Variants in C16orf74 observed in about 807,000 individuals in gnomAD.
C16orf74 encodes the protein uncharacterized protein C16orf74.
C16orf74 carries 10 observed loss-of-function variants against 6.5 expected under a neutral mutation model. The observed-to-expected ratio is 1.54, with a 90% CI of 0.95 to 2.61. The LOEUF (loss-of-function observed/expected upper bound fraction) is 2.61, where lower values mean the gene tolerates loss of function less well. Ranked by LOEUF, C16orf74 falls within the 30% of genes most tolerant of loss-of-function variation. C16orf74 has a pLI of 0.00. For synonymous variants in C16orf74, 60 were observed against 42.5 expected (o/e 1.41, Z -1.60); for missense variants, 141 against 105.9 (o/e 1.33, Z -1.45).
chr16:85,737,313 A>C (rs994704805), intron 1 of C16orf74, among the ~76,000 whole-genome samples: 2 of 152,152 alleles, frequency 1.3e-5, no homozygotes, highest in African/African-American at 4.8e-5. Flanking sequence ...TCAGGCCCTG[A>C]GCTGGCCCTG....
chr16:85,750,049 G>C (rs887762594), intron 1 of C16orf74, among the ~76,000 whole-genome samples: 1 of 152,166 alleles, frequency 6.6e-6, no homozygotes, highest in African/African-American at 2.4e-5. Context: ...GGATGGGTGG[G>C]GTCTAGGCAG....
chr16:85,734,047 G>T (rs770459855), intron 2 of C16orf74, among the ~76,000 whole-genome samples: 1 of 152,138 alleles, frequency 6.6e-6, no homozygotes, highest in African/African-American at 2.4e-5. Flanking sequence ...GCCTTTTCAC[G>T]CCTCCTTACT....
At chr16:85,732,020 A>G (rs1474248515) in intron 2 of C16orf74, among the ~76,000 whole-genome samples, 1 of 152,194 alleles carries the variant, frequency 6.6e-6, no homozygotes, top group Non-Finnish European at 1.5e-5. Flanking sequence ...GGATCTTGGG[A>G]TGACATTATC....
At chr16:85,726,649 T>C (rs1324508776) in intron 2 of C16orf74, among the ~76,000 whole-genome samples, 1 of 152,122 alleles carries the variant, frequency 6.6e-6, no homozygotes, top group Admixed American at 6.5e-5. Flanking sequence ...CACCATGTGA[T>C]CTCCCTTCAA....
intron 1 of C16orf74, chr16:85,744,334 G>A (rs919682944): frequency 2.6e-5 from 4 of 151,980 alleles, no homozygotes; most frequent in African/African-American, 9.7e-5. Flanking sequence ...TGGCATGATG[G>A]TATGGGAGCA....
intron 2 of C16orf74, among the ~76,000 whole-genome samples, chr16:85,733,398 G>A (rs750669106): frequency 4.6e-5 from 7 of 152,256 alleles, no homozygotes; most frequent in Middle Eastern, 3.4e-3. Context: ...GCTGGGGAGG[G>A]AACGGGGAGT....
intron 1 of C16orf74, among the ~76,000 whole-genome samples, chr16:85,750,325 G>A (rs983369418): frequency 7.2e-5 from 11 of 151,952 alleles, no homozygotes; most frequent in African/African-American, 2.7e-4. Context: ...ATCCCTGGGG[G>A]GAGCTGCGGG....
At chr16:85,737,318 G>C (rs1488113099) in intron 1 of C16orf74, among the ~76,000 whole-genome samples, 2 of 152,130 alleles carry the variant, frequency 1.3e-5, no homozygotes, top group South Asian at 4.1e-4. Flanking sequence ...CCCTGAGCTG[G>C]CCCTGCCCAC....
At chr16:85,728,638 G>GC (rs1332696925) in intron 2 of C16orf74, among the ~76,000 whole-genome samples, 1 of 152,186 alleles carries the variant, frequency 6.6e-6, no homozygotes, top group African/African-American at 2.4e-5. Context: ...TCCTGCAGAG[G>GC]CCCCCGCACA....
At position 85,710,323 on chromosome 16, in the gene C16orf74, T is replaced by G. The variant is rs1567801247; in HGVS notation, c.29-16A>C. The G allele has an allele frequency of 2.7e-6, 4 of 1,490,470 alleles. No homozygotes were observed. The highest frequency in any genetic ancestry group is 2.6e-5 in the Admixed American group (1 of 38,200). The allele number at this position is 1,490,470 out of a possible 1,614,324, so 92.3% of individuals were successfully genotyped here. On this transcript the variant is annotated splice_polypyrimidine_tract_variant and intron_variant, in intron 2 of 3. Transcript: ENST00000284245. ...ATTTGAAAGCCTGAGAAGCCAGGCG[T>G]GGAGCACACACGCACGTACACACGA...
At position 85,715,076 on chromosome 16, in the gene C16orf74, G is replaced by C. The variant is rs191828208; in HGVS notation, c.29-4769C>G. On this transcript the variant is annotated intron_variant, in intron 2 of 3. Transcript: ENST00000284245. ...GGAGGCTGAGGCAGGAGAATGGCGT[G>C]AACCCGGGAGGCGGAGCTTGCAGTG... Among the ~76,000 whole-genome samples, 3 of 150,894 alleles carry C rather than the reference G, an allele frequency of 2.0e-5. No homozygotes were observed. The South Asian group carries it at 6.3e-4, about 32-fold the overall frequency.
rs1056954138 is a variant in C16orf74, at chr16:85,707,584, G to T, written c.*424C>A. On this transcript the variant is annotated 3_prime_UTR_variant, in exon 4 of 4. Transcript: ENST00000284245. ...ATAAATCCCATTTTGGACTGTTTCC[G>T]TATCTGTAAAACAACTTATAAAAAA... is the stretch of plus-strand genomic sequence containing the variant. 1 of 169,426 alleles carries T rather than the reference G, an allele frequency of 5.9e-6. No homozygotes were observed. Among genetic ancestry groups the T allele is most frequent in the Admixed American group, 6.4e-5 (1 of 15,748 alleles). 10.5% of individuals were successfully genotyped at this position (169,426 alleles called of 1,614,324 possible). A position where few individuals can be genotyped will look rare whatever the true frequency, so the allele number is the denominator to read the frequency against.
At chr16:85,745,536 G>T (rs2054363932) in intron 1 of C16orf74, among the ~76,000 whole-genome samples, 1 of 152,202 alleles carries the variant, frequency 6.6e-6, no homozygotes. Context: ...GACTGTGAGG[G>T]ACAGAAACTC....
intron 2 of C16orf74, among the ~76,000 whole-genome samples, chr16:85,731,423 C>A (rs186990823): frequency 6.6e-6 from 1 of 152,312 alleles, no homozygotes; most frequent in East Asian, 1.9e-4. Context: ...AGGCCTGGAG[C>A]TGGGGGCATG....
At chr16:85,719,272 A>T (rs887663018) in intron 2 of C16orf74, among the ~76,000 whole-genome samples, 4 of 152,166 alleles carry the variant, frequency 2.6e-5, no homozygotes, top group African/African-American at 9.7e-5. Flanking sequence ...CGGCCTCTAC[A>T]GAGGTTTATC....
chr16:85,737,961 ATTTTTTTTT>A (rs34329302), intron 1 of C16orf74, among the ~76,000 whole-genome samples: 2 of 136,936 alleles, frequency 1.5e-5, no homozygotes, highest in Admixed American at 7.3e-5. Flanking sequence ...TTTTTTTGTG[ATTTTTTTTT>A]TTTTTTTTTT....
chr16:85,743,844 G>A (rs1360625461), intron 1 of C16orf74, among the ~76,000 whole-genome samples: 9 of 152,054 alleles, frequency 5.9e-5, no homozygotes, highest in African/African-American at 1.7e-4. Flanking sequence ...ACGAGATCAG[G>A]AGATCGAGAC....
At chr16:85,721,465 C>T (rs1482636205) in intron 2 of C16orf74, among the ~76,000 whole-genome samples, 2 of 152,174 alleles carry the variant, frequency 1.3e-5, no homozygotes, top group East Asian at 1.9e-4. Flanking sequence ...AGGTAAAATG[C>T]GGGCCTTCCA....
Position 85,746,779 on chromosome 16 carries a change from C to A in C16orf74, c.-19+4147G>T, listed in dbSNP as rs114038266. Among the ~76,000 whole-genome samples the A allele has an allele frequency of 4.9e-3, 751 of 152,320 alleles. 9 individuals are homozygous for A. The highest frequency in any genetic ancestry group is 0.017 in the African/African-American group (700 of 41,564). On this transcript the variant is annotated intron_variant, in intron 1 of 3. Coordinates refer to ENST00000284245, the MANE Select transcript of C16orf74 (RefSeq NM_206967.3). ...CATGCTGCAAGCAGGGAAGAGAGTG[C>A]GGGCAAGCGGGGCTCCCAGCAGGCT...
Sources: allele counts gnomAD v4.1 joint callset (sites outside exome capture counted in the v4.1 genomes callset), GRCh38; gene constraint gnomAD v4.1.1; transcripts MANE v1.5; gene names NCBI Gene and HGNC (gene_info 2026-07-23, HGNC 2026-07-21).